The following NR2F1-AS1 variants were observed in gnomAD, a reference collection of about 807,000 sequenced individuals.
NR2F1-AS1 encodes the protein NR2F1 antisense RNA 1.
At chr5:93,527,738 C>A (rs546679774) in intron 4 of NR2F1-AS1, among the ~76,000 whole-genome samples, 6 of 152,110 alleles carry the variant, frequency 3.9e-5, no homozygotes, top group Non-Finnish European at 7.4e-5. Flanking sequence ...CAAAAACAAG[C>A]AATGGGGAAA....
chr5:93,447,079 A>T (rs1453843761), intron 4 of NR2F1-AS1, among the ~76,000 whole-genome samples: 3 of 152,238 alleles, frequency 2.0e-5, no homozygotes, highest in Non-Finnish European at 4.4e-5. Context: ...CTTAAATATT[A>T]GACCTAAAAC....
At chr5:93,513,298 C>T (rs576847179) in intron 4 of NR2F1-AS1, among the ~76,000 whole-genome samples, 1 of 152,152 alleles carries the variant, frequency 6.6e-6, no homozygotes, top group Non-Finnish European at 1.5e-5. Context: ...TTGAACCTAG[C>T]AATCCCATTA....
At chr5:93,581,860 CTCTCTCTCCTCTCTCCT>C (rs1753087408), upstream of NR2F1-AS1, among the ~76,000 whole-genome samples, 5 of 64,762 alleles carry the variant, frequency 7.7e-5, no homozygotes, top group African/African-American at 1.6e-4. Context: ...TCTCCTCTCT[CTCTCTCTCCTCTCTCCT>C]CTCTCTCTCG....
intron 4 of NR2F1-AS1, among the ~76,000 whole-genome samples, chr5:93,454,202 AC>A (rs1749898498): frequency 6.6e-6 from 1 of 152,078 alleles, no homozygotes; most frequent in African/African-American, 2.4e-5. Context: ...GATCCCTTGA[AC>A]CCAGGAGGTG....
intron 4 of NR2F1-AS1, among the ~76,000 whole-genome samples, chr5:93,503,311 G>A (rs1320120441): frequency 6.6e-6 from 1 of 152,008 alleles, no homozygotes; most frequent in East Asian, 1.9e-4. Context: ...CTGTTTCCCA[G>A]TAACCATATT....
At chr5:93,516,356 T>A (rs1751401348) in intron 4 of NR2F1-AS1, among the ~76,000 whole-genome samples, 1 of 151,866 alleles carries the variant, frequency 6.6e-6, no homozygotes, top group Non-Finnish European at 1.5e-5. Context: ...TTCTGAAGTG[T>A]TCTCACCCTT....
chr5:93,426,704 G>A (rs922765072), intron 4 of NR2F1-AS1, among the ~76,000 whole-genome samples: 2 of 152,146 alleles, frequency 1.3e-5, no homozygotes, highest in Admixed American at 6.5e-5. Context: ...AATGCCCCTG[G>A]CAGGGGGTAA....
chr5:93,437,637 A>G (rs1271574388), intron 4 of NR2F1-AS1, among the ~76,000 whole-genome samples: 4 of 152,196 alleles, frequency 2.6e-5, no homozygotes, highest in Non-Finnish European at 5.9e-5. Context: ...AAAGCAGCAG[A>G]GGACTAAGCC....
intron 4 of NR2F1-AS1, among the ~76,000 whole-genome samples, chr5:93,548,125 G>A (rs1752131953): frequency 6.6e-6 from 1 of 152,064 alleles, no homozygotes. Context: ...TTTCCTGAAG[G>A]AAATCTCCAG....
intron 4 of NR2F1-AS1, among the ~76,000 whole-genome samples, chr5:93,526,950 C>A (rs1283857210): frequency 6.6e-6 from 1 of 152,150 alleles, no homozygotes; most frequent in East Asian, 1.9e-4. Flanking sequence ...AAAAGGATGA[C>A]CTCTCTCACC....
intron 4 of NR2F1-AS1, among the ~76,000 whole-genome samples, chr5:93,527,676 G>C (rs1291792550): frequency 6.6e-6 from 1 of 151,970 alleles, no homozygotes; most frequent in Non-Finnish European, 1.5e-5. Flanking sequence ...AGAACAGAGG[G>C]CTCAAAAATA....
In NR2F1-AS1 at chr5:93,550,064, T is replaced by C. The variant is rs184004255; in HGVS notation, n.638+3697A>G. 6.6e-5 allele frequency among the ~76,000 whole-genome samples: 10 copies of C among 151,610 alleles called. No homozygotes were observed. The East Asian group carries it at 1.9e-3, about 29-fold the overall frequency. On this transcript the variant is annotated intron_variant and non_coding_transcript_variant, in intron 4 of 5. Coordinates refer to ENST00000660523, the Ensembl canonical transcript of NR2F1-AS1. ...AACCACCATGGCATGTGTATACCTA[T>C]GTAACAAACCTGCATGTTCTGCACA... is the stretch of plus-strand genomic sequence containing the variant.
chr5:93,436,925 C>T (rs1435708707), intron 4 of NR2F1-AS1, among the ~76,000 whole-genome samples: 2 of 150,808 alleles, frequency 1.3e-5, no homozygotes, highest in Non-Finnish European at 2.9e-5. Context: ...ATTTACCTTC[C>T]AAGATGCCTA....
At chr5:93,580,738 T>C (rs1580352585) in exon 1 of NR2F1-AS1, 1 of 152,364 alleles carries the variant, frequency 6.6e-6, no homozygotes, top group African/African-American at 2.4e-5. Flanking sequence ...AAGGTTTTCT[T>C]TTCTTTCTTT....
intron 4 of NR2F1-AS1, among the ~76,000 whole-genome samples, chr5:93,527,532 T>A (rs903803430): frequency 6.6e-6 from 1 of 152,186 alleles, no homozygotes; most frequent in Non-Finnish European, 1.5e-5. Flanking sequence ...AGAGCCTGTA[T>A]AGCCAAGACA....
At chr5:93,504,929 C>G (rs1751155191) in intron 4 of NR2F1-AS1, among the ~76,000 whole-genome samples, 1 of 152,118 alleles carries the variant, frequency 6.6e-6, no homozygotes, top group South Asian at 2.1e-4. Context: ...TCATGCCTTC[C>G]CAACAGTCCT....
chr5:93,450,123 A>G (rs1471939920), intron 4 of NR2F1-AS1, among the ~76,000 whole-genome samples: 1 of 152,174 alleles, frequency 6.6e-6, no homozygotes, highest in African/African-American at 2.4e-5. Flanking sequence ...TCGAATTTTA[A>G]GTTAGAAATG....
Position 93,579,326 on chromosome 5 carries a change from CCCT to C in NR2F1-AS1, n.313+1138_313+1140del. Among the ~76,000 whole-genome samples the C allele has an allele frequency of 6.6e-6, 1 of 152,174 alleles. No homozygotes were observed. Among genetic ancestry groups the C allele is most frequent in the Non-Finnish European group, 1.5e-5 (1 of 68,034 alleles). ...CCTGGGACTAGGACAGGGGACTTCA[CCCT>C]CCTCCTTCCTTCCGGAGGAGCCCGC... On this transcript the variant is annotated intron_variant and non_coding_transcript_variant, in intron 1 of 5. Transcript: ENST00000660523. This position sits in a 1 kb window ranked among gnomAD's most constrained non-coding sequence, Gnocchi z 5.1.
chr5:93,580,097 C>G (rs1752986569), intron 1 of NR2F1-AS1, among the ~76,000 whole-genome samples: 1 of 152,252 alleles, frequency 6.6e-6, no homozygotes, highest in Non-Finnish European at 1.5e-5. Flanking sequence ...CCAGCAGGAA[C>G]AGCCGGGCCG....
Sources: gnomAD v4.1 joint callset for allele counts (sites outside exome capture counted in the v4.1 genomes callset) on GRCh38, gnomAD v4.1.1 for gene constraint, Gnocchi (gnomAD v3.1) non-coding constraint, MANE v1.5 for transcripts, NCBI Gene and HGNC (gene_info 2026-07-23, HGNC 2026-07-21) for gene names.